Variants in MCCC1 observed in about 807,000 individuals in gnomAD.
MCCC1 encodes methylcrotonoyl-CoA carboxylase subunit alpha, mitochondrial.
Under a neutral mutation model 83.8 loss-of-function variants are expected in MCCC1, and 64 were observed. That is an observed-to-expected ratio of 0.76 (90% confidence interval 0.62 to 0.94). MCCC1 has a LOEUF of 0.94. Among genes scored for constraint, MCCC1 ranks in the 40% least tolerant of loss-of-function variants. The pLI, the probability that MCCC1 is intolerant of heterozygous loss-of-function variation, is 0.00. For synonymous variants in MCCC1, 322 were observed against 315.4 expected (o/e 1.02, Z -0.22); for missense variants, 807 against 904.7 (o/e 0.89, Z 1.39).
chr3:183,067,929 T>C (rs4859273), intron 7 of MCCC1, among the ~76,000 whole-genome samples: 136,281 of 152,222 alleles, frequency 0.9, 61,397 homozygotes, highest in East Asian at 1. Flanking sequence ...CACCTTTTGT[T>C]GGAACTCATG....
intron 10 of MCCC1, among the ~76,000 whole-genome samples, chr3:183,042,405 T>G (rs1261068514): frequency 6.6e-6 from 1 of 152,240 alleles, no homozygotes; most frequent in Non-Finnish European, 1.5e-5. Context: ...TTAACTAGTA[T>G]AAATTGGAAA....
chr3:183,108,516 G>A (rs963229888), intron 1 of MCCC1, among the ~76,000 whole-genome samples: 1 of 152,220 alleles, frequency 6.6e-6, no homozygotes, highest in African/African-American at 2.4e-5. Context: ...GTAGAATTGT[G>A]TTTCATTCTC....
chr3:183,025,645 C>T (rs528375457), intron 15 of MCCC1, 110 bp downstream of exon 15: 3 of 978,914 alleles, frequency 3.1e-6, no homozygotes, highest in African/African-American at 1.6e-5. Context: ...CTCTTAACTA[C>T]AGTCATAATA....
intron 16 of MCCC1, among the ~76,000 whole-genome samples, chr3:183,020,886 C>T (rs1455232495): frequency 6.6e-6 from 1 of 151,970 alleles, no homozygotes. Context: ...GGTGAAACCC[C>T]ATCTCTACTA....
intron 8 of MCCC1, among the ~76,000 whole-genome samples, chr3:183,053,634 G>A (rs1429710845): frequency 1.3e-5 from 2 of 150,604 alleles, no homozygotes; most frequent in Non-Finnish European, 3.0e-5. Context: ...GTGAAACCCC[G>A]TCTCTACTAA....
intron 15 of MCCC1, among the ~76,000 whole-genome samples, chr3:183,023,537 A>G (rs1712331853): frequency 6.6e-6 from 1 of 152,210 alleles, no homozygotes; most frequent in African/African-American, 2.4e-5. Flanking sequence ...AATCTACTTT[A>G]CCAGCTAACA....
rs1245813666 is a variant in MCCC1 at position 183,064,614 on chromosome 3, G to A, written c.761+6385C>T. On this transcript the variant is annotated intron_variant, in intron 7 of 18. Transcript: ENST00000265594. The surrounding 1 kb of genome is among the most constrained non-coding windows in gnomAD (Gnocchi z 4.5). ...GCCAGCTCCCCGGTTCGCCGGCTGC[G>A]GTACGCCTCCTGCGCGTTGCCGAAG... Among the ~76,000 whole-genome samples, 1 of 152,198 alleles carries A rather than the reference G, an allele frequency of 6.6e-6. No homozygotes were observed. The highest frequency in any genetic ancestry group is 1.5e-5 in the Non-Finnish European group (1 of 68,020).
intron 3 of MCCC1, chr3:183,091,041 G>A: frequency 2.2e-6 from 1 of 456,644 alleles, no homozygotes. Context: ...GCTGCAAAAA[G>A]GTGGGTAGAG....
intron 8 of MCCC1, among the ~76,000 whole-genome samples, chr3:183,056,592 G>A (rs1715438575): frequency 6.6e-6 from 1 of 152,166 alleles, no homozygotes; most frequent in African/African-American, 2.4e-5. Flanking sequence ...CACATATTTT[G>A]AGAACATCTG....
intron 15 of MCCC1, among the ~76,000 whole-genome samples, chr3:183,023,634 A>G (rs1365860423): frequency 6.6e-6 from 1 of 152,154 alleles, no homozygotes; most frequent in Non-Finnish European, 1.5e-5. Flanking sequence ...GGTTTTTCTG[A>G]ATCTCACAGA....
chr3:183,026,996 T>C (rs1230250238), intron 14 of MCCC1, among the ~76,000 whole-genome samples: 3 of 152,270 alleles, frequency 2.0e-5, no homozygotes, highest in Non-Finnish European at 1.5e-5. Context: ...GGCAACACCA[T>C]GTCAAGCATA....
chr3:183,056,711 A>G (rs1715445481), intron 8 of MCCC1, among the ~76,000 whole-genome samples: 1 of 152,086 alleles, frequency 6.6e-6, no homozygotes, highest in East Asian at 1.9e-4. Context: ...TTTTTGTTTG[A>G]GACAAGAGTT....
intron 12 of MCCC1, among the ~76,000 whole-genome samples, 167 bp from the exon 13 acceptor site, chr3:183,037,601 A>C (rs960750981): frequency 6.6e-6 from 1 of 152,236 alleles, no homozygotes; most frequent in African/African-American, 2.4e-5. Flanking sequence ...AGGAAAAAAA[A>C]CACAAAAAAA....
At chr3:183,043,684 T>G (rs773612369) in intron 10 of MCCC1, among the ~76,000 whole-genome samples, 1 of 152,218 alleles carries the variant, frequency 6.6e-6, no homozygotes, top group East Asian at 1.9e-4. Flanking sequence ...GCAGCTTCCC[T>G]AAGTTCTAGT....
chr3:183,085,195 T>C (rs1717802757), intron 4 of MCCC1, among the ~76,000 whole-genome samples: 1 of 152,126 alleles, frequency 6.6e-6, no homozygotes, highest in Non-Finnish European at 1.5e-5. Flanking sequence ...TACTTTTAAT[T>C]GTTTTGCCTT....
intron 6 of MCCC1, 26 bp downstream of exon 6, chr3:183,071,184 G>A (rs1456970789): frequency 6.2e-7 from 1 of 1,614,088 alleles, no homozygotes; most frequent in Admixed American, 1.7e-5. Flanking sequence ...GCCTGAATTG[G>A]CAAACACAAG....
At chr3:183,067,449 G>A (rs1716338322) in intron 7 of MCCC1, among the ~76,000 whole-genome samples, 1 of 152,142 alleles carries the variant, frequency 6.6e-6, no homozygotes, top group African/African-American at 2.4e-5. Context: ...AAATAATCAG[G>A]CCATGTATAA....
chr3:183,073,596 G>A (rs965569014), intron 4 of MCCC1, among the ~76,000 whole-genome samples: 2 of 152,194 alleles, frequency 1.3e-5, no homozygotes, highest in African/African-American at 4.8e-5. Flanking sequence ...CAAATGTAAT[G>A]CCTTTCCCAT....
chr3:183,100,739 T>C (rs1719190368), upstream of MCCC1, among the ~76,000 whole-genome samples: 1 of 152,232 alleles, frequency 6.6e-6, no homozygotes, highest in Non-Finnish European at 1.5e-5. Flanking sequence ...GTGCTGGCAG[T>C]CCTCAGAACC....
Sources: gnomAD v4.1 joint callset for allele counts (sites outside exome capture counted in the v4.1 genomes callset) on GRCh38, gnomAD v4.1.1 for gene constraint, Gnocchi (gnomAD v3.1) non-coding constraint, MANE v1.5 for transcripts, NCBI Gene and HGNC (gene_info 2026-07-23, HGNC 2026-07-21) for gene names.